Variants in HERPUD2 observed in about 807,000 individuals in gnomAD.
HERPUD2 encodes HERPUD family member 2.
Under a neutral mutation model 49.9 loss-of-function variants are expected in HERPUD2, and 13 were observed. The ratio of observed to expected loss-of-function variants is 0.26; its 90% CI spans 0.17 to 0.41. The LOEUF is 0.41. HERPUD2 is among the 10% of genes least tolerant of loss of function. The pLI is 1.00. For missense variants in HERPUD2, 449 were observed against 492.2 expected (o/e 0.91, Z 0.83); for synonymous variants, 172 against 171.4 (o/e 1.00, Z -0.03).
chr7:35,688,568 G>A (rs928505737), intron 2 of HERPUD2, among the ~76,000 whole-genome samples: 2 of 152,140 alleles, frequency 1.3e-5, no homozygotes, highest in African/African-American at 4.8e-5. Context: ...AAGATATTAT[G>A]CATCTAATCT....
chr7:35,635,341 T>C lies in HERPUD2; in HGVS notation c.735A>G (p.Leu245=). Residue 245 remains leucine (L), a synonymous_variant, in exon 7 of 9, where the codon CTA becomes CTG. Transcript: ENST00000311350. Reference sequence around the variant, plus strand: ...TCATGGGTCGATTTTCTTGGGCCACTAGGTTTGGAGCTGGTGGGGGTTCTT... The same window carrying C: ...TCATGGGTCGATTTTCTTGGGCCACCAGGTTTGGAGCTGGTGGGGGTTCTT... The part of the protein sequence containing the change: ...PGEEPPPAPN[L]VAQENRPMNE... 1 of 1,614,102 alleles carries C rather than the reference T, an allele frequency of 6.2e-7. No homozygotes were observed. The highest frequency in any genetic ancestry group is 8.5e-7 in the Non-Finnish European group (1 of 1,179,972).
chr7:35,643,134 AC>A (rs1482824426), intron 5 of HERPUD2, among the ~76,000 whole-genome samples: 1 of 152,226 alleles, frequency 6.6e-6, no homozygotes, highest in Non-Finnish European at 1.5e-5. Flanking sequence ...GAAACTGGAG[AC>A]AGGGACAATA....
At chr7:35,643,867 A>G (rs935128898) in intron 5 of HERPUD2, among the ~76,000 whole-genome samples, 1 of 151,708 alleles carries the variant, frequency 6.6e-6, no homozygotes, top group African/African-American at 2.4e-5. Flanking sequence ...TTCATGTTTA[A>G]TAGTATAACC....
At chr7:35,634,708 T>C (rs1026049578) in intron 7 of HERPUD2, among the ~76,000 whole-genome samples, 3 of 152,088 alleles carry the variant, frequency 2.0e-5, no homozygotes, top group Admixed American at 2.0e-4. Flanking sequence ...CTTTTCAAAA[T>C]GAAATACAAC....
chr7:35,649,193 G>A (rs1193957137), intron 5 of HERPUD2, among the ~76,000 whole-genome samples: 2 of 151,710 alleles, frequency 1.3e-5, no homozygotes, highest in African/African-American at 4.9e-5. Context: ...AGAGCTTGCA[G>A]TGAGCTGAGA....
At chr7:35,653,508 A>G (rs1022637097) in intron 5 of HERPUD2, among the ~76,000 whole-genome samples, 1 of 147,176 alleles carries the variant, frequency 6.8e-6, no homozygotes, top group Admixed American at 6.7e-5. Flanking sequence ...TCAGCATTAC[A>G]CAGATCATCT....
intron 5 of HERPUD2, among the ~76,000 whole-genome samples, chr7:35,640,236 T>C (rs1251082963): frequency 6.6e-6 from 1 of 152,218 alleles, no homozygotes; most frequent in Non-Finnish European, 1.5e-5. Flanking sequence ...ATATGCTGTA[T>C]CTAGATGTAT....
At chr7:35,672,263 T>C (rs563597335) in intron 3 of HERPUD2, among the ~76,000 whole-genome samples, 9 of 142,326 alleles carry the variant, frequency 6.3e-5, no homozygotes, top group Non-Finnish European at 1.1e-4. Flanking sequence ...CTCTAAAAAA[T>C]TGTTTAAAAA....
chr7:35,674,400 TATATAGAGAGAGAGAGAGAGAGAGAGAG>T lies in HERPUD2; in HGVS notation c.148-1150_148-1123del, dbSNP rs1369793965. ...CAACCTATATATATATATATATATATATATAGAGAGAGAGAGAGAGAGAGAGAGAGAGAGAGAGAGAGAGAGAGAGAGA... is the reference window on the plus strand; with the variant it reads ...CAACCTATATATATATATATATATATAGAGAGAGAGAGAGAGAGAGAGAGA... On this transcript the variant is annotated intron_variant, in intron 2 of 8. Coordinates refer to ENST00000311350, the MANE Select transcript of HERPUD2 (RefSeq NM_022373.5). Among the ~76,000 whole-genome samples the T allele has an allele frequency of 6.0e-4, 36 of 60,200 alleles. 2 individuals carry two copies. Among genetic ancestry groups the T allele is most frequent in the African/African-American group, 2.5e-3 (34 of 13,714 alleles). The allele number at this position is 60,200 out of a possible 152,430, so 39.5% of individuals were successfully genotyped here.
rs544424216 is a variant in HERPUD2 at position 35,639,335 on chromosome 7, A to C, written c.495-863T>G. ...AGACATGAGCCACTGCGCCTGGCCA[A>C]ATTCTATTAATTCAGTAAAACTTGT... On this transcript the variant is annotated intron_variant, in intron 5 of 8. Coordinates refer to ENST00000311350, the MANE Select transcript of HERPUD2 (RefSeq NM_022373.5). Among the ~76,000 whole-genome samples, 7 of 152,218 alleles carry C rather than the reference A, an allele frequency of 4.6e-5. No individual in the cohort carries two copies. In the South Asian group the frequency reaches 1.5e-3, roughly 32 times the overall value.
intron 3 of HERPUD2, among the ~76,000 whole-genome samples, chr7:35,671,490 T>C (rs1785644335): frequency 6.6e-6 from 1 of 152,050 alleles, no homozygotes; most frequent in African/African-American, 2.4e-5. Flanking sequence ...ATACAGAATA[T>C]TAACAAGCAT....
rs576607671 is a variant in HERPUD2, at chr7:35,668,042, A to G, written c.340-454T>C. Among the ~76,000 whole-genome samples the G allele has an allele frequency of 2.0e-5, 3 of 150,054 alleles. No homozygotes were observed. In the East Asian group the frequency reaches 5.9e-4, roughly 29 times the overall value. On this transcript the variant is annotated intron_variant, in intron 4 of 8. Transcript: ENST00000311350. ...TACTGTACAACATGCTATTGTTAAC[A>G]TATTGATTTAAAGTAATGAGAAACA...
chr7:35,665,296 T>C (rs942109936), intron 5 of HERPUD2, among the ~76,000 whole-genome samples: 2 of 152,210 alleles, frequency 1.3e-5, no homozygotes, highest in Non-Finnish European at 2.9e-5. Context: ...ACTTTGTTTA[T>C]GTACTCGAGC....
intron 5 of HERPUD2, among the ~76,000 whole-genome samples, chr7:35,655,564 A>G (rs931661343): frequency 2.0e-5 from 3 of 152,192 alleles, no homozygotes; most frequent in African/African-American, 7.2e-5. Context: ...ACCATATATA[A>G]CAAACCCACA....
In HERPUD2 at chr7:35,689,807, T is replaced by C. The variant is rs534263194; in HGVS notation, c.147+4377A>G. ...GAACTGAGGGACACAATCAGAGGTA[T>C]TTTGACCCCAAGACTGAAAAATGGA... On this transcript the variant is annotated intron_variant, in intron 2 of 8. Coordinates refer to ENST00000311350, the MANE Select transcript of HERPUD2 (RefSeq NM_022373.5). Among the ~76,000 whole-genome samples, 26 of 152,266 alleles carry C rather than the reference T, an allele frequency of 1.7e-4. No individual in the cohort carries two copies. The South Asian group carries it at 5.0e-3, about 29-fold the overall frequency.
At chr7:35,667,338 A>G in intron 5 of HERPUD2, 96 bp downstream of exon 5, 1 of 1,071,814 alleles carries the variant, frequency 9.3e-7, no homozygotes, top group Non-Finnish European at 1.4e-6. Context: ...TTTAAAATGT[A>G]CTTTAATTAC....
rs536198412 is a variant in HERPUD2 at position 35,643,167 on chromosome 7, T to C, written c.495-4695A>G. Among the ~76,000 whole-genome samples the C allele has an allele frequency of 2.0e-5, 3 of 152,300 alleles. No individual in the cohort carries two copies. In the South Asian group the frequency reaches 6.2e-4, roughly 32 times the overall value. ...AATAGCTCATTAATTTTTTTAAAAA[T>C]AGAGGATGTTATCATAGCACTTATC... On this transcript the variant is annotated intron_variant, in intron 5 of 8. Transcript: ENST00000311350.
chr7:35,660,943 A>G (rs988158084), intron 5 of HERPUD2, among the ~76,000 whole-genome samples: 2 of 152,194 alleles, frequency 1.3e-5, no homozygotes, highest in African/African-American at 4.8e-5. Context: ...TTAGACATGA[A>G]GTCCTTGCCC....
chr7:35,633,578 A>G lies in HERPUD2; in HGVS notation c.*112T>C, dbSNP rs1380392905. Reference sequence around the variant, plus strand: ...CATGAGAAGCCTAAAGAAAAAAAACACCTCTGTACATGATGATCAAAAGAA... The same window carrying G: ...CATGAGAAGCCTAAAGAAAAAAAACGCCTCTGTACATGATGATCAAAAGAA... On this transcript the variant is annotated 3_prime_UTR_variant, in exon 9 of 9. Transcript: ENST00000311350. 1.2e-6 allele frequency: 1 copy of G among 800,232 alleles called. No homozygotes were observed. Among genetic ancestry groups the G allele is most frequent in the African/African-American group, 1.8e-5 (1 of 56,772 alleles). The allele number at this position is 800,232 out of a possible 1,614,324, so 49.6% of individuals were successfully genotyped here.
Sources: gnomAD v4.1 joint callset for allele counts (sites outside exome capture counted in the v4.1 genomes callset) on GRCh38, gnomAD v4.1.1 for gene constraint, MANE v1.5 for transcripts, NCBI Gene and HGNC (gene_info 2026-07-23, HGNC 2026-07-21) for gene names.